HS3ST4: variants seen among roughly 807,000 people sequenced by gnomAD.
HS3ST4 encodes heparan sulfate-glucosamine 3-sulfotransferase 4.
Under a neutral mutation model 29.2 loss-of-function variants are expected in HS3ST4, and 17 were observed. The observed-to-expected ratio is 0.58, with a 90% CI of 0.40 to 0.87. HS3ST4 has a LOEUF of 0.87. Ranked by LOEUF, HS3ST4 falls within the 40% of genes least tolerant of loss-of-function variation. The pLI is 0.00. For missense variants in HS3ST4, 627 were observed against 634.5 expected (o/e 0.99, Z 0.13); for synonymous variants, 314 against 285.7 (o/e 1.10, Z -1.00).
At chr16:25,765,468 G>C (rs1966812268) in intron 1 of HS3ST4, among the ~76,000 whole-genome samples, 3 of 152,162 alleles carry the variant, frequency 2.0e-5, no homozygotes, top group South Asian at 4.1e-4. Flanking sequence ...CATGGACCTG[G>C]ATTCTAAATC....
intron 1 of HS3ST4, among the ~76,000 whole-genome samples, chr16:26,004,609 A>G (rs1969240792): frequency 6.6e-6 from 1 of 152,200 alleles, no homozygotes; most frequent in South Asian, 2.1e-4. Context: ...ACACATATAC[A>G]ATAGTGTCAT....
In HS3ST4 at chr16:26,032,901, C is replaced by T. The variant is rs559241464; in HGVS notation, c.735-102711C>T. On this transcript the variant is annotated intron_variant, in intron 1 of 1. Coordinates refer to ENST00000331351, the MANE Select transcript of HS3ST4 (RefSeq NM_006040.3). ...TGGTCGGTCTGGGGGTCGTTCTCGC[C>T]TCTTCTTCACACTGCTCCGGAGGCG... 2.6e-5 allele frequency: 26 copies of T among 1,006,356 alleles called. No homozygotes were observed. In the African/African-American group the frequency reaches 3.5e-4, roughly 14 times the overall value. The allele number at this position is 1,006,356 out of a possible 1,614,324, so 62.3% of individuals were successfully genotyped here.
At chr16:26,012,673 C>G (rs539091469) in intron 1 of HS3ST4, among the ~76,000 whole-genome samples, 3 of 152,170 alleles carry the variant, frequency 2.0e-5, no homozygotes, top group African/African-American at 4.8e-5. Flanking sequence ...GTCTCTACCC[C>G]CACATTTCAG....
At chr16:26,118,297 G>A (rs1899225594) in intron 1 of HS3ST4, among the ~76,000 whole-genome samples, 1 of 152,100 alleles carries the variant, frequency 6.6e-6, no homozygotes, top group Non-Finnish European at 1.5e-5. Context: ...GAATTCCTGG[G>A]TTCAAGCAAT....
intron 1 of HS3ST4, among the ~76,000 whole-genome samples, chr16:26,129,322 T>A (rs2141815048): frequency 6.6e-6 from 1 of 152,354 alleles, no homozygotes; most frequent in South Asian, 2.1e-4. Context: ...GGGCCAGTCA[T>A]GTAACCTTGC....
In HS3ST4 at chr16:26,028,293, A is replaced by T; in HGVS notation, c.735-107319A>T. On this transcript the variant is annotated intron_variant, in intron 1 of 1. Coordinates refer to ENST00000331351, the MANE Select transcript of HS3ST4 (RefSeq NM_006040.3). ...GTCTCAAAAAAAAAAAAAAAAAAAA[A>T]AAGAATAAGAAAGTAAGCAAAGATG... 3.3e-5 allele frequency among the ~76,000 whole-genome samples: 5 copies of T among 151,080 alleles called. No individual in the cohort carries two copies. The South Asian group carries it at 1.0e-3, about 32-fold the overall frequency.
intron 1 of HS3ST4, among the ~76,000 whole-genome samples, chr16:25,717,634 G>T (rs772781616): frequency 6.6e-6 from 1 of 151,400 alleles, no homozygotes; most frequent in African/African-American, 2.4e-5. Flanking sequence ...AAAACTAAAA[G>T]CTCAGAGTGC....
chr16:25,887,781 T>C (rs1380986186), intron 1 of HS3ST4, among the ~76,000 whole-genome samples: 1 of 142,482 alleles, frequency 7.0e-6, no homozygotes, highest in East Asian at 2.2e-4. Flanking sequence ...CACTGCCAGC[T>C]CCACCTCCCA....
At chr16:25,972,220 C>A (rs540716540) in intron 1 of HS3ST4, among the ~76,000 whole-genome samples, 1 of 152,258 alleles carries the variant, frequency 6.6e-6, no homozygotes, top group East Asian at 1.9e-4. Context: ...CTGTAACAGG[C>A]GGTTGTATGG....
intron 1 of HS3ST4, among the ~76,000 whole-genome samples, chr16:25,828,302 CT>C (rs1567249531): frequency 0.029 from 536 of 18,534 alleles, 1 homozygote; most frequent in East Asian, 0.058. Flanking sequence ...CTTTCTTTCC[CT>C]CTCTCTCTCT....
chr16:26,028,330 G>C (rs939217538), intron 1 of HS3ST4, among the ~76,000 whole-genome samples: 24 of 150,556 alleles, frequency 1.6e-4, no homozygotes, highest in Admixed American at 4.6e-4. Flanking sequence ...GGTAGGGACT[G>C]TATTTTTAAT....
At chr16:26,028,720 G>T (rs1478819542) in intron 1 of HS3ST4, among the ~76,000 whole-genome samples, 1 of 151,364 alleles carries the variant, frequency 6.6e-6, no homozygotes, top group Non-Finnish European at 1.5e-5. Context: ...TTCTCTAGGT[G>T]TTGGGGAAGA....
At chr16:26,022,455 A>G (rs1258395451) in intron 1 of HS3ST4, among the ~76,000 whole-genome samples, 1 of 152,144 alleles carries the variant, frequency 6.6e-6, no homozygotes, top group Non-Finnish European at 1.5e-5. Flanking sequence ...CTCTAAATCA[A>G]GGGCCCACAG....
At chr16:25,941,725 C>T (rs545855959) in intron 1 of HS3ST4, among the ~76,000 whole-genome samples, 10 of 152,120 alleles carry the variant, frequency 6.6e-5, no homozygotes, top group African/African-American at 1.9e-4. Flanking sequence ...TACAGGCACA[C>T]GCCACCACAC....
intron 1 of HS3ST4, among the ~76,000 whole-genome samples, chr16:25,860,624 C>T (rs1289883916): frequency 3.9e-5 from 6 of 152,150 alleles, no homozygotes; most frequent in Admixed American, 3.9e-4. Context: ...CTATCTAAGG[C>T]TACATACTCT....
At chr16:26,086,994 T>C (rs1170812336) in intron 1 of HS3ST4, among the ~76,000 whole-genome samples, 4 of 152,196 alleles carry the variant, frequency 2.6e-5, no homozygotes, top group Admixed American at 6.5e-5. Flanking sequence ...AGTGAAAAAT[T>C]TCTTCCTCCA....
chr16:26,077,020 A>G (rs1406538208), intron 1 of HS3ST4, among the ~76,000 whole-genome samples: 1 of 152,184 alleles, frequency 6.6e-6, no homozygotes, highest in African/African-American at 2.4e-5. Flanking sequence ...ATACTGGTAT[A>G]TTATTCCTCA....
intron 1 of HS3ST4, among the ~76,000 whole-genome samples, chr16:25,861,441 A>G (rs1967635442): frequency 2.0e-5 from 3 of 152,254 alleles, no homozygotes; most frequent in South Asian, 4.1e-4. Context: ...TATCCTGACC[A>G]GTAATGAAGG....
At chr16:25,874,859 T>C (rs1372609603) in intron 1 of HS3ST4, among the ~76,000 whole-genome samples, 1 of 152,176 alleles carries the variant, frequency 6.6e-6, no homozygotes, top group African/African-American at 2.4e-5. Flanking sequence ...CTCCACCATA[T>C]ACTAGCTGTG....
Sources: allele counts gnomAD v4.1 joint callset (sites outside exome capture counted in the v4.1 genomes callset), GRCh38; gene constraint gnomAD v4.1.1; transcripts MANE v1.5; gene names NCBI Gene and HGNC (gene_info 2026-07-23, HGNC 2026-07-21).